The following HPSE2 variants were observed in gnomAD, a reference collection of about 807,000 sequenced individuals.
The protein encoded by HPSE2 is heparanase 2 (inactive), also known as inactive heparanase-2.
In HPSE2, 38 loss-of-function variants were observed where a neutral mutation model predicts 60.5. The ratio of observed to expected loss-of-function variants is 0.63; its 90% CI spans 0.48 to 0.82. The LOEUF (loss-of-function observed/expected upper bound fraction) is 0.82, where lower values mean the gene tolerates loss of function less well. Ranked by LOEUF, HPSE2 falls within the 40% of genes least tolerant of loss-of-function variation. The pLI, the probability that HPSE2 is intolerant of heterozygous loss-of-function variation, is 0.00. For missense variants in HPSE2, 713 were observed against 740.4 expected, an observed-to-expected ratio of 0.96 and a Z score of 0.43; for synonymous variants, 295 against 293.2, an observed-to-expected ratio of 1.01 and a Z score of -0.06.
intron 3 of HPSE2, among the ~76,000 whole-genome samples, chr10:99,032,791 C>A (rs560910307): frequency 6.6e-6 from 1 of 152,316 alleles, no homozygotes; most frequent in Admixed American, 6.5e-5. Flanking sequence ...TGTCCACACT[C>A]CTTGGCTCAT....
At chr10:99,308,245 G>A in the HPSE2 span, among the ~76,000 whole-genome samples, 14 of 150,998 alleles carry the variant, frequency 9.3e-5, no homozygotes, top group South Asian at 2.1e-4. Context: ...AAAATTACCC[G>A]GGTGTGGTGG....
At chr10:99,187,925 A>G (rs950519864) in intron 2 of HPSE2, among the ~76,000 whole-genome samples, 20 of 152,220 alleles carry the variant, frequency 1.3e-4, no homozygotes, top group African/African-American at 4.8e-4. Flanking sequence ...TGTCCATGAA[A>G]AGATATAAAT....
At chr10:98,979,300 C>A (rs555031198) in intron 3 of HPSE2, among the ~76,000 whole-genome samples, 1 of 152,102 alleles carries the variant, frequency 6.6e-6, no homozygotes, top group Admixed American at 6.5e-5. Flanking sequence ...TAATTGATAC[C>A]AGAGGCCACA....
intron 6 of HPSE2, among the ~76,000 whole-genome samples, chr10:98,663,269 A>T (rs546715206): frequency 4.7e-4 from 71 of 152,322 alleles, no homozygotes; most frequent in African/African-American, 1.6e-3. Context: ...AATAAGAGAC[A>T]TGGAACTTAT....
At chr10:98,832,046 G>C (rs1589906331) in intron 3 of HPSE2, among the ~76,000 whole-genome samples, 1 of 152,136 alleles carries the variant, frequency 6.6e-6, no homozygotes, top group South Asian at 2.1e-4. Context: ...TGGTTGGAAG[G>C]CAGCCACAGT....
intron 3 of HPSE2, among the ~76,000 whole-genome samples, chr10:98,983,872 C>T (rs559125824): frequency 1.4e-3 from 216 of 152,298 alleles, no homozygotes; most frequent in African/African-American, 4.7e-3. Flanking sequence ...GAGGGACCTA[C>T]GCCCATGGAG....
At chr10:98,878,440 C>G (rs569533362) in intron 3 of HPSE2, among the ~76,000 whole-genome samples, 7 of 152,046 alleles carry the variant, frequency 4.6e-5, no homozygotes, top group African/African-American at 1.7e-4. Context: ...GGTACTTGCT[C>G]TCACGGAGCT....
At chr10:98,503,207 C>T (rs1208776945) in intron 9 of HPSE2, among the ~76,000 whole-genome samples, 3 of 113,718 alleles carry the variant, frequency 2.6e-5, no homozygotes, top group Non-Finnish European at 5.4e-5. Flanking sequence ...AGCAAGACTC[C>T]ATCAGAAAAA....
At chr10:98,924,394 T>A (rs1380640167) in intron 3 of HPSE2, 3 of 152,194 alleles carry the variant, frequency 2.0e-5, no homozygotes, top group Non-Finnish European at 4.4e-5. Context: ...GCTCCAGGTG[T>A]GTCCAGAGAT....
chr10:99,084,323 CT>C (rs910597866), intron 3 of HPSE2, among the ~76,000 whole-genome samples: 2 of 150,334 alleles, frequency 1.3e-5, no homozygotes, highest in Non-Finnish European at 2.9e-5. Context: ...ATTTCAGGTT[CT>C]TTTTTTTCCC....
intron 2 of HPSE2, among the ~76,000 whole-genome samples, chr10:99,225,056 G>A (rs986839468): frequency 5.3e-5 from 8 of 151,866 alleles, no homozygotes; most frequent in African/African-American, 1.7e-4. Flanking sequence ...CAGGGCCTGC[G>A]TACAAAATTT....
chr10:98,752,400 T>A (rs1345655426), intron 3 of HPSE2, among the ~76,000 whole-genome samples: 2 of 152,110 alleles, frequency 1.3e-5, no homozygotes, highest in Non-Finnish European at 1.5e-5. Flanking sequence ...AGCCTATGGG[T>A]TTTAACATTA....
intron 3 of HPSE2, among the ~76,000 whole-genome samples, chr10:98,792,769 G>C (rs955793383): frequency 1.3e-5 from 2 of 152,104 alleles, no homozygotes; most frequent in African/African-American, 2.4e-5. Context: ...TCTTGCATTA[G>C]CAAGTACACC....
intron 5 of HPSE2, among the ~76,000 whole-genome samples, chr10:98,698,187 A>G (rs1409895740): frequency 6.9e-6 from 1 of 144,348 alleles, no homozygotes; most frequent in East Asian, 2.0e-4. Context: ...CAGAATATAC[A>G]TTTTTTTCAG....
At chr10:98,594,637 C>T (rs1945181336) in intron 9 of HPSE2, among the ~76,000 whole-genome samples, 1 of 152,096 alleles carries the variant, frequency 6.6e-6, no homozygotes, top group South Asian at 2.1e-4. Context: ...ACAGGATTCC[C>T]TTCTTTTTAA....
chr10:98,836,821 A>G (rs1238204119), intron 3 of HPSE2, among the ~76,000 whole-genome samples: 1 of 152,170 alleles, frequency 6.6e-6, no homozygotes. Context: ...CAGGTGGATC[A>G]TGAGGTCAGG....
chr10:98,755,289 A>C (rs1489301685), intron 3 of HPSE2, among the ~76,000 whole-genome samples: 1 of 152,232 alleles, frequency 6.6e-6, no homozygotes, highest in East Asian at 1.9e-4. Context: ...GGCATTACAT[A>C]ATGAAAAAAG....
intron 2 of HPSE2, among the ~76,000 whole-genome samples, chr10:99,216,811 TATC>T (rs1849146782): frequency 6.6e-6 from 1 of 152,172 alleles, no homozygotes; most frequent in Admixed American, 6.5e-5. Context: ...CTGGCTATCT[TATC>T]ATTTCTCATC....
At chr10:99,305,506 T>G in the HPSE2 span, among the ~76,000 whole-genome samples, 2 of 152,144 alleles carry the variant, frequency 1.3e-5, no homozygotes, top group Non-Finnish European at 2.9e-5. Context: ...GAATCTTAAT[T>G]TTAAAAATAA....
Sources: gnomAD v4.1 joint callset for allele counts (sites outside exome capture counted in the v4.1 genomes callset) on GRCh38, gnomAD v4.1.1 for gene constraint, MANE v1.5 for transcripts, NCBI Gene and HGNC (gene_info 2026-07-23, HGNC 2026-07-21) for gene names.